Variants in SPATS2L observed in about 807,000 individuals in gnomAD.
SPATS2L encodes the protein spermatogenesis associated serine rich 2 like.
SPATS2L carries 30 observed loss-of-function variants against 59.6 expected under a neutral mutation model. That is an observed-to-expected ratio of 0.50 (90% confidence interval 0.38 to 0.68). SPATS2L has a LOEUF of 0.68. Ranked by LOEUF, SPATS2L falls within the 30% of genes least tolerant of loss-of-function variation. The pLI is 0.00. For synonymous variants in SPATS2L, 252 were observed against 263.5 expected, an observed-to-expected ratio of 0.96 and a Z score of 0.42; for missense variants, 615 against 700.0, an observed-to-expected ratio of 0.88 and a Z score of 1.37.
chr2:200,434,780 C>CT (rs1254015671), intron 6 of SPATS2L, among the ~76,000 whole-genome samples: 1 of 152,050 alleles, frequency 6.6e-6, no homozygotes, highest in African/African-American at 2.4e-5. Context: ...CCCCAAATTG[C>CT]TTTATAGATT....
intron 9 of SPATS2L, among the ~76,000 whole-genome samples, chr2:200,461,982 T>C (rs561914655): frequency 6.6e-6 from 1 of 152,140 alleles, no homozygotes; most frequent in African/African-American, 2.4e-5. Flanking sequence ...AGCTATGGAC[T>C]ATTTAGGTAG....
At position 200,391,807 on chromosome 2, in the gene SPATS2L, C is replaced by T. The variant is rs140795939; in HGVS notation, c.39+2524C>T. Among the ~76,000 whole-genome samples the T allele has an allele frequency of 2.9e-3, 445 of 152,212 alleles. 2 individuals carry two copies. The highest frequency in any genetic ancestry group is 6.9e-3 in the Admixed American group (105 of 15,296). ...AACTCAGCTGTGTTTGGTTCTAAAG[C>T]CTGTACCCTTTCCACATATTACTGC... On this transcript the variant is annotated intron_variant, in intron 3 of 12. Coordinates refer to ENST00000409140, the MANE Select transcript of SPATS2L (RefSeq NM_001100423.2).
chr2:200,383,734 GCC>G (rs2081902070), intron 2 of SPATS2L: 1 of 220,048 alleles, frequency 4.5e-6, no homozygotes, highest in Non-Finnish European at 7.9e-6. Context: ...CCTATTAACG[GCC>G]CCAAATATGC....
intron 7 of SPATS2L, among the ~76,000 whole-genome samples, chr2:200,440,297 G>T (rs552310731): frequency 6.6e-6 from 1 of 152,164 alleles, no homozygotes; most frequent in African/African-American, 2.4e-5. Flanking sequence ...TTTTAACCAC[G>T]CAAAGTGGTG....
chr2:200,440,114 C>T (rs774796853), intron 7 of SPATS2L, among the ~76,000 whole-genome samples: 30 of 152,160 alleles, frequency 2.0e-4, no homozygotes, highest in Non-Finnish European at 4.3e-4. Context: ...GGAAATCAGG[C>T]GAGATGGGCA....
At chr2:200,436,262 T>C (rs1190227229) in intron 6 of SPATS2L, among the ~76,000 whole-genome samples, 1 of 152,224 alleles carries the variant, frequency 6.6e-6, no homozygotes, top group Non-Finnish European at 1.5e-5. Context: ...CCAGTTTTCA[T>C]CTGCAAGAGT....
At chr2:200,393,748 T>C (rs1316760657) in intron 3 of SPATS2L, among the ~76,000 whole-genome samples, 4 of 152,254 alleles carry the variant, frequency 2.6e-5, no homozygotes, top group Admixed American at 6.5e-5. Flanking sequence ...TTTCTCAATC[T>C]GTCACACAGA....
Position 200,478,057 on chromosome 2 carries a change from A to T in SPATS2L, c.*26A>T, listed in dbSNP as rs1360997038. 2 of 1,518,560 alleles carry T rather than the reference A, an allele frequency of 1.3e-6. No individual in the cohort carries two copies. Among genetic ancestry groups the T allele is most frequent in the Non-Finnish European group, 1.8e-6 (2 of 1,135,076 alleles). The allele number at this position is 1,518,560 out of a possible 1,614,324, so 94.1% of individuals were successfully genotyped here. Reference sequence around the variant, plus strand: ...GCTAGGAGGAAAAAGAGCAGTTTTCACTCAGTTTTGGTTCCCTGCCCGAGG... The same window carrying T: ...GCTAGGAGGAAAAAGAGCAGTTTTCTCTCAGTTTTGGTTCCCTGCCCGAGG... On this transcript the variant is annotated 3_prime_UTR_variant, in exon 13 of 13. Transcript: ENST00000409140.
At chr2:200,372,980 TACTG>T (rs1314305686) in intron 2 of SPATS2L, among the ~76,000 whole-genome samples, 1 of 152,124 alleles carries the variant, frequency 6.6e-6, no homozygotes, top group African/African-American at 2.4e-5. Flanking sequence ...CTAAAATGAA[TACTG>T]AATGAATGAA....
At chr2:200,383,847 C>G (rs1312968968) in intron 2 of SPATS2L, 1 of 991,646 alleles carries the variant, frequency 1.0e-6, no homozygotes, top group Non-Finnish European at 1.2e-6. Flanking sequence ...TATATATTTC[C>G]TATGGTTTCT....
chr2:200,431,980 A>G (rs2083964449), intron 6 of SPATS2L, among the ~76,000 whole-genome samples: 1 of 152,264 alleles, frequency 6.6e-6, no homozygotes, highest in South Asian at 2.1e-4. Context: ...TATGAAAACA[A>G]TTGCAGGCAC....
chr2:200,449,793 A>G (rs2085315901), intron 8 of SPATS2L, among the ~76,000 whole-genome samples: 1 of 152,218 alleles, frequency 6.6e-6, no homozygotes, highest in Non-Finnish European at 1.5e-5. Context: ...CCTAAATTAC[A>G]ATTTCAGAAT....
rs532867125 is a variant in SPATS2L at position 200,418,878 on chromosome 2, G to A, written c.199-372G>A. ...CCCAGCATTCACCACTTTGAGATGA[G>A]AGCTACTCCCCAGTGGCAGGATAAC... On this transcript the variant is annotated intron_variant, in intron 5 of 12. Coordinates refer to ENST00000409140, the MANE Select transcript of SPATS2L (RefSeq NM_001100423.2). 1.1e-3 allele frequency among the ~76,000 whole-genome samples: 172 copies of A among 152,256 alleles called. 2 individuals carry two copies. The highest frequency in any genetic ancestry group is 3.9e-3 in the African/African-American group (161 of 41,550).
At chr2:200,370,036 C>A (rs1005608318) in intron 2 of SPATS2L, among the ~76,000 whole-genome samples, 1 of 152,166 alleles carries the variant, frequency 6.6e-6, no homozygotes, top group African/African-American at 2.4e-5. Flanking sequence ...GCCCTTAGTG[C>A]CTCGTCATGG....
At chr2:200,410,302 T>C (rs1218011829) in intron 3 of SPATS2L, among the ~76,000 whole-genome samples, 1 of 152,168 alleles carries the variant, frequency 6.6e-6, no homozygotes, top group Non-Finnish European at 1.5e-5. Flanking sequence ...ATAATGTGTA[T>C]TGTTGAACAC....
At chr2:200,382,153 C>T (rs542082806) in intron 2 of SPATS2L, among the ~76,000 whole-genome samples, 3 of 152,074 alleles carry the variant, frequency 2.0e-5, no homozygotes, top group Admixed American at 6.5e-5. Flanking sequence ...CCCCACCTAC[C>T]GGGTTCAAGC....
At chr2:200,473,095 A>AG (rs774468384) in intron 12 of SPATS2L, 43 bp downstream of exon 12, 14 of 1,520,804 alleles carry the variant, frequency 9.2e-6, no homozygotes, top group Non-Finnish European at 1.2e-5. Context: ...AAAAAAAAAA[A>AG]AAACCTGTTT....
upstream of SPATS2L, chr2:200,306,574 G>A (rs563397302): frequency 4.0e-4 from 400 of 1,002,050 alleles, no homozygotes; most frequent in South Asian, 7.5e-4. Context: ...GCGGGAGCGA[G>A]GGGCGCCGGC....
chr2:200,424,599 A>G (rs987382631), intron 6 of SPATS2L, among the ~76,000 whole-genome samples: 1 of 152,210 alleles, frequency 6.6e-6, no homozygotes, highest in African/African-American at 2.4e-5. Context: ...CTTAGGGTCT[A>G]ATTTTCCCAA....
Sources: allele counts gnomAD v4.1 joint callset (sites outside exome capture counted in the v4.1 genomes callset), GRCh38; gene constraint gnomAD v4.1.1; transcripts MANE v1.5; gene names NCBI Gene and HGNC (gene_info 2026-07-23, HGNC 2026-07-21).